Variants in SNX6 observed in about 807,000 individuals in gnomAD.
SNX6 encodes the protein sorting nexin-6.
A neutral mutation model predicts 63.0 loss-of-function variants in SNX6; 34 were observed. The observed-to-expected ratio is 0.54, with a 90% CI of 0.41 to 0.72. The LOEUF is 0.72. Among genes scored for constraint, SNX6 ranks in the 30% least tolerant of loss-of-function variants. The pLI is 0.00. For missense variants in SNX6, 398 were observed against 471.4 expected, an observed-to-expected ratio of 0.84 and a Z score of 1.44; for synonymous variants, 170 against 164.2, an observed-to-expected ratio of 1.04 and a Z score of -0.27.
intron 13 of SNX6, among the ~76,000 whole-genome samples, chr14:34,565,578 G>T (rs1336304193): frequency 6.6e-6 from 1 of 151,764 alleles, no homozygotes; most frequent in Non-Finnish European, 1.5e-5. Context: ...GTGCAGTGGC[G>T]CAATCTTGGC....
At chr14:34,605,105 G>A (rs1018400441) in intron 5 of SNX6, among the ~76,000 whole-genome samples, 14 of 151,980 alleles carry the variant, frequency 9.2e-5, no homozygotes, top group East Asian at 1.9e-4. Context: ...ACATACATAC[G>A]CAGTTTTTAA....
chr14:34,619,421 C>CAA (rs201389023), intron 2 of SNX6, among the ~76,000 whole-genome samples: 2 of 147,896 alleles, frequency 1.4e-5, no homozygotes, highest in Non-Finnish European at 3.0e-5. Flanking sequence ...AACTCTGTCT[C>CAA]AAAAAAATAT....
chr14:34,568,892 A>G, intron 11 of SNX6: 1 of 1,211,762 alleles, frequency 8.3e-7, no homozygotes, highest in South Asian at 1.2e-5. Flanking sequence ...CATCCCCCAT[A>G]GATCTTGGTC....
At chr14:34,597,491 C>CT (rs1237487837) in intron 7 of SNX6, 59 bp downstream of exon 7, 3 of 988,568 alleles carry the variant, frequency 3.0e-6, no homozygotes, top group Non-Finnish European at 4.7e-6. Flanking sequence ...AAATCTCAAT[C>CT]TATCTCCCTT....
chr14:34,613,041 C>CAAAA (rs34313201), intron 2 of SNX6, among the ~76,000 whole-genome samples: 1 of 117,840 alleles, frequency 8.5e-6, no homozygotes, highest in African/African-American at 3.2e-5. Context: ...AGACTCTATC[C>CAAAA]AAAAAAAAAA....
intron 6 of SNX6, among the ~76,000 whole-genome samples, chr14:34,599,911 T>G (rs962853882): frequency 2.0e-5 from 3 of 152,166 alleles, no homozygotes; most frequent in African/African-American, 7.2e-5. Context: ...CTTGAAATTT[T>G]TATAACTTCT....
intron 8 of SNX6, among the ~76,000 whole-genome samples, chr14:34,591,609 G>C (rs1882396581): frequency 6.6e-6 from 1 of 151,928 alleles, no homozygotes; most frequent in Non-Finnish European, 1.5e-5. Context: ...AAAAAAAATT[G>C]CAAGTGCATG....
intron 2 of SNX6, among the ~76,000 whole-genome samples, chr14:34,615,750 G>T (rs901545767): frequency 3.3e-5 from 5 of 151,996 alleles, no homozygotes; most frequent in Admixed American, 3.3e-4. Context: ...AAAGTGTTAG[G>T]ATTACAGGCG....
At position 34,575,559 on chromosome 14, in the gene SNX6, T is replaced by C. The variant is rs10145029; in HGVS notation, c.921+197A>G. 4.0e-3 allele frequency: 1,030 copies of C among 256,334 alleles called. 11 individuals are homozygous for C. The highest frequency in any genetic ancestry group is 0.021 in the African/African-American group (942 of 43,830). 15.9% of individuals were successfully genotyped at this position (256,334 alleles called of 1,614,324 possible). On this transcript the variant is annotated intron_variant, in intron 11 of 13. Transcript: ENST00000362031. ...AGAAGTATAATAAAGAGGAAACTTTTATGTAGGGTTTCCCACATGAAATAT... is the reference window on the plus strand; with the variant it reads ...AGAAGTATAATAAAGAGGAAACTTTCATGTAGGGTTTCCCACATGAAATAT...
intron 2 of SNX6, among the ~76,000 whole-genome samples, chr14:34,616,997 G>A (rs1419536230): frequency 6.6e-6 from 1 of 152,054 alleles, no homozygotes; most frequent in Non-Finnish European, 1.5e-5. Flanking sequence ...CAGGAGAATT[G>A]CTTGAATCCA....
At chr14:34,569,327 C>T (rs965751489) in intron 11 of SNX6, among the ~76,000 whole-genome samples, 4 of 152,286 alleles carry the variant, frequency 2.6e-5, no homozygotes, top group African/African-American at 9.6e-5. Context: ...AACCCCATGC[C>T]CATTAACAGC....
chr14:34,595,344 T>G (rs1882557788), intron 7 of SNX6, among the ~76,000 whole-genome samples: 3 of 151,862 alleles, frequency 2.0e-5, no homozygotes. Context: ...TCCATGTTGG[T>G]CAGGCTGGTC....
chr14:34,601,926 G>C (rs1169328859), intron 6 of SNX6, among the ~76,000 whole-genome samples: 1 of 151,942 alleles, frequency 6.6e-6, no homozygotes, highest in Non-Finnish European at 1.5e-5. Context: ...CTATCATTCT[G>C]TCAATTAATC....
intron 8 of SNX6, among the ~76,000 whole-genome samples, chr14:34,588,156 C>T (rs543163581): frequency 5.1e-4 from 77 of 150,792 alleles, no homozygotes; most frequent in African/African-American, 1.5e-3. Context: ...TACAGGCGCC[C>T]GCCACCACGC....
At chr14:34,565,775 C>T (rs1294037104) in intron 13 of SNX6, among the ~76,000 whole-genome samples, 6 of 151,840 alleles carry the variant, frequency 4.0e-5, no homozygotes, top group East Asian at 1.9e-4. Context: ...CTGCAAGCTC[C>T]GCCTCCCGGG....
chr14:34,572,681 T>G (rs78396757), intron 11 of SNX6, among the ~76,000 whole-genome samples: 16,188 of 148,876 alleles, frequency 0.11, 1,146 homozygotes, highest in Non-Finnish European at 0.16. Flanking sequence ...GTTTTTTTTG[T>G]TTTTTTTTGT....
rs1336837283 is a variant in SNX6, at chr14:34,587,625, C to G, written c.719-1320G>C. Among the ~76,000 whole-genome samples, 5 of 139,322 alleles carry G rather than the reference C, an allele frequency of 3.6e-5. No homozygotes were observed. The Admixed American group carries it at 3.7e-4, about 10-fold the overall frequency. The allele number at this position is 139,322 out of a possible 152,430, so 91.4% of individuals were successfully genotyped here. On this transcript the variant is annotated intron_variant, in intron 8 of 13. Transcript: ENST00000362031. Reference sequence around the variant, plus strand: ...GAGCTAGACTCCATCTCAAAACAAACAAACAAACAAAATTTATTTATTTGG... The same window carrying G: ...GAGCTAGACTCCATCTCAAAACAAAGAAACAAACAAAATTTATTTATTTGG...
intron 6 of SNX6, among the ~76,000 whole-genome samples, chr14:34,601,927 T>C (rs1426301894): frequency 2.0e-5 from 3 of 152,008 alleles, no homozygotes; most frequent in African/African-American, 7.2e-5. Flanking sequence ...TATCATTCTG[T>C]CAATTAATCT....
At position 34,578,937 on chromosome 14, in the gene SNX6, C is replaced by CA. The variant is rs71121210; in HGVS notation, c.834+2623dup. 6.5e-3 allele frequency among the ~76,000 whole-genome samples: 147 copies of CA among 22,550 alleles called. 18 individuals carry two copies. The highest frequency in any genetic ancestry group is 0.015 in the African/African-American group (134 of 9,094). 14.8% of individuals were successfully genotyped at this position (22,550 alleles called of 152,430 possible). A position where few individuals can be genotyped will look rare whatever the true frequency, so the allele number is the denominator to read the frequency against. Reference sequence around the variant, plus strand: ...CTGGCGACAGAGCGAGACTTCATCTCAAAAAAAAAAAAAAAAAAAAAAAAA... The same window carrying CA: ...CTGGCGACAGAGCGAGACTTCATCTCAAAAAAAAAAAAAAAAAAAAAAAAAA... On this transcript the variant is annotated intron_variant, in intron 10 of 13. Coordinates refer to ENST00000362031, the MANE Select transcript of SNX6 (RefSeq NM_152233.4).
Sources: allele counts gnomAD v4.1 joint callset (sites outside exome capture counted in the v4.1 genomes callset), GRCh38; gene constraint gnomAD v4.1.1; transcripts MANE v1.5; gene names NCBI Gene and HGNC (gene_info 2026-07-23, HGNC 2026-07-21).